Variants in HSPG2 observed in about 807,000 individuals in gnomAD.
HSPG2 encodes the protein basement membrane-specific heparan sulfate proteoglycan core protein.
In HSPG2, 278 loss-of-function variants were observed where a neutral mutation model predicts 526.6. That is an observed-to-expected ratio of 0.53 (90% confidence interval 0.48 to 0.58). The LOEUF (loss-of-function observed/expected upper bound fraction) is 0.58. HSPG2 is among the 20% of genes least tolerant of loss of function. The probability of loss-of-function intolerance (pLI) is 0.00; values close to 1 mark genes in which losing one functional copy is unlikely to be tolerated. For synonymous variants in HSPG2, 2,465 were observed against 2,555.4 expected (o/e 0.96, Z 1.07); for missense variants, 5,354 against 6,099.5 (o/e 0.88, Z 4.07).
intron 21 of HSPG2, among the ~76,000 whole-genome samples, chr1:21,877,913 T>C (rs1347872683): frequency 2.0e-5 from 3 of 152,238 alleles, no homozygotes; most frequent in Admixed American, 2.0e-4. Context: ...GGACAAAGTA[T>C]GGCAAAAGCA....
At chr1:21,856,525 C>G (rs1015575772) in intron 44 of HSPG2, among the ~76,000 whole-genome samples, 1 of 144,696 alleles carries the variant, frequency 6.9e-6, no homozygotes, top group Non-Finnish European at 1.5e-5. Flanking sequence ...TCAAGCGATT[C>G]TCCTGCCTCA....
intron 1 of HSPG2, chr1:21,908,067 C>T (rs1249244035): frequency 8.0e-6 from 6 of 752,348 alleles, no homozygotes; most frequent in Middle Eastern, 2.4e-4. Flanking sequence ...GCCTTTCGGC[C>T]GGAACCGCCA....
At chr1:21,838,608 G>A (rs2098036272) in intron 74 of HSPG2, among the ~76,000 whole-genome samples, 1 of 152,248 alleles carries the variant, frequency 6.6e-6, no homozygotes, top group African/African-American at 2.4e-5. Flanking sequence ...TGTGCCAAAG[G>A]TGGGGAGCAG....
Position 21,832,529 on chromosome 1 carries a change from A to T in HSPG2, c.11173T>A (p.Ser3725Thr). ...GGCCTTCCCCCCACGAGGCCGAAGG[A>T]GATGAAGTCGGGCTGCCGGTTGGCC... ...NLANRQPDFI[S>T]FGLVGGRPEF... The change falls in exon 81 of 97, where the codon TCC becomes ACC. Residue 3725 changes from serine to threonine, a missense_variant. Ser to Thr is a moderately conservative substitution (Grantham distance 58, BLOSUM62 1). Coordinates refer to ENST00000374695, the MANE Select transcript of HSPG2 (RefSeq NM_005529.7). The T allele has an allele frequency of 6.2e-7, 1 of 1,614,164 alleles. No homozygotes were observed. The highest frequency in any genetic ancestry group is 8.5e-7 in the Non-Finnish European group (1 of 1,180,012).
At chr1:21,922,852 C>T (rs967712723) in intron 1 of HSPG2, among the ~76,000 whole-genome samples, 4 of 152,158 alleles carry the variant, frequency 2.6e-5, no homozygotes, top group Non-Finnish European at 5.9e-5. Flanking sequence ...CCAGTACCCC[C>T]TCCTCGACCC....
rs376190109 is a variant in HSPG2, at chr1:21,828,851, C to T, written c.12221G>A (p.Arg4074His). 1.2e-4 allele frequency: 184 copies of T among 1,551,046 alleles called. 1 individual carries two copies. In the East Asian group the frequency reaches 3.5e-3, roughly 30 times the overall value. The stretch of plus-strand genomic sequence containing the variant: ...TGCTCTTACCTCGCCCACACAGCCG[C>T]GGAAGTGAGCGCTCATGTTGGTGGC... ...SPATNMSAHFRGCVGEVSVNG... is the reference protein window; with the variant it reads ...SPATNMSAHFHGCVGEVSVNG... The change falls in exon 88 of 97, where the codon CGC becomes CAC. Residue 4074 changes from arginine to histidine, a missense_variant. Arg to His is a conservative substitution (Grantham distance 29). Coordinates refer to ENST00000374695, the MANE Select transcript of HSPG2 (RefSeq NM_005529.7). The surrounding 1 kb of genome is among the most constrained non-coding windows in gnomAD (Gnocchi z 6.0).
chr1:21,849,918 T>G (rs1638753029), intron 57 of HSPG2, 123 bp downstream of exon 57: 1 of 1,199,378 alleles, frequency 8.3e-7, no homozygotes, highest in African/African-American at 1.5e-5. Context: ...GACCTCGTGA[T>G]CTTCCTGCCT....
rs1378110815 is a variant in HSPG2, at chr1:21,872,126, G to A, written c.4221+60C>T. 2.1e-5 allele frequency: 32 copies of A among 1,529,592 alleles called. No individual in the cohort carries two copies. Among genetic ancestry groups the A allele is most frequent in the East Asian group, 2.5e-5 (1 of 40,786 alleles). The allele number at this position is 1,529,592 out of a possible 1,614,324, so 94.8% of individuals were successfully genotyped here. On this transcript the variant is annotated intron_variant, in intron 33 of 96. Coordinates refer to ENST00000374695, the MANE Select transcript of HSPG2 (RefSeq NM_005529.7). The surrounding 1 kb of genome is among the most constrained non-coding windows in gnomAD (Gnocchi z 5.5). ...GGCAGGTGCCTGCCTGCTGAGAGAC[G>A]GCGCAGAGGTGAACTCATGTCTGAG...
At chr1:21,840,972 C>A in intron 71 of HSPG2, 129 bp downstream of exon 71, 1 of 794,606 alleles carries the variant, frequency 1.3e-6, no homozygotes, top group South Asian at 1.5e-5. Context: ...CCCATCCCAT[C>A]CCATTCCTCC....
chr1:21,841,519 C>T lies in HSPG2; in HGVS notation c.9328+20G>A. 6.2e-7 allele frequency: 1 copy of T among 1,614,200 alleles called. No homozygotes were observed. The highest frequency in any genetic ancestry group is 8.5e-7 in the Non-Finnish European group (1 of 1,180,012). On this transcript the variant is annotated intron_variant, in intron 70 of 96. Coordinates refer to ENST00000374695, the MANE Select transcript of HSPG2 (RefSeq NM_005529.7). Reference sequence around the variant, plus strand: ...GGGCTGGAAACAGGGCAGAGCCCCACAGGGTCAACGTCCCCTCACCGTGCA... The same window carrying T: ...GGGCTGGAAACAGGGCAGAGCCCCATAGGGTCAACGTCCCCTCACCGTGCA...
Position 21,859,699 on chromosome 1 carries a change from T to A in HSPG2, c.5183-23A>T. On this transcript the variant is annotated intron_variant, in intron 41 of 96. Transcript: ENST00000374695. This position sits in a 1 kb window ranked among gnomAD's most constrained non-coding sequence, Gnocchi z 5.3. ...AGCCTGGTGGGGAGGAGACAAGAGC[T>A]TGTTGGTGCAGATACACTCTTTCTC... 1 of 1,594,992 alleles carries A rather than the reference T, an allele frequency of 6.3e-7. No homozygotes were observed. The highest frequency in any genetic ancestry group is 8.5e-7 in the Non-Finnish European group (1 of 1,170,078).
At position 21,887,058 on chromosome 1, in the gene HSPG2, C is replaced by T. The variant is rs374739248; in HGVS notation, c.1078+157G>A. ...CTTGGGGTGTGTCTCCAGGGCCTTC[C>T]GCACTCAGCCAGGGAGAGCAAACAA... is the stretch of plus-strand genomic sequence containing the variant. On this transcript the variant is annotated intron_variant, in intron 9 of 96. Transcript: ENST00000374695. The surrounding 1 kb of genome is among the most constrained non-coding windows in gnomAD (Gnocchi z 5.0). Among the ~76,000 whole-genome samples the T allele has an allele frequency of 4.8e-5, 7 of 146,564 alleles. No homozygotes were observed. Among genetic ancestry groups the T allele is most frequent in the African/African-American group, 1.5e-4 (6 of 39,974 alleles).
chr1:21,872,176 T>C lies in HSPG2; in HGVS notation c.4221+10A>G. The stretch of plus-strand genomic sequence containing the variant: ...GTCACGGCTGACCCTGGTGCTTGGC[T>C]GGGGCCCACCTTGTCTCCCTGGTAT... On this transcript the variant is annotated intron_variant, in intron 33 of 96. Transcript: ENST00000374695. This position sits in a 1 kb window ranked among gnomAD's most constrained non-coding sequence, Gnocchi z 5.5. 6.4e-7 allele frequency: 1 copy of C among 1,551,576 alleles called. No individual in the cohort carries two copies. The highest frequency in any genetic ancestry group is 1.2e-5 in the South Asian group (1 of 84,056).
intron 1 of HSPG2, among the ~76,000 whole-genome samples, chr1:21,914,947 C>T (rs1307087897): frequency 6.6e-6 from 1 of 152,218 alleles, no homozygotes; most frequent in Non-Finnish European, 1.5e-5. Flanking sequence ...CACCCAGAGC[C>T]CAGCCACAGC....
In HSPG2 at chr1:21,887,886, C is replaced by T; in HGVS notation, c.703+52G>A. Reference sequence around the variant, plus strand: ...GGGCTCCAAGACCCAGGTGTAGGACCCTGGCCCTCCCCTGGCACCCAAACC... The same window carrying T: ...GGGCTCCAAGACCCAGGTGTAGGACTCTGGCCCTCCCCTGGCACCCAAACC... On this transcript the variant is annotated intron_variant, in intron 7 of 96. Transcript: ENST00000374695. This position sits in a 1 kb window ranked among gnomAD's most constrained non-coding sequence, Gnocchi z 5.0. 6.2e-7 allele frequency: 1 copy of T among 1,612,734 alleles called. No homozygotes were observed. Among genetic ancestry groups the T allele is most frequent in the Middle Eastern group, 1.6e-4 (1 of 6,062 alleles).
Position 21,875,018 on chromosome 1 carries a change from C to T in HSPG2, c.3303-16G>A, listed in dbSNP as rs1438644115. 1.9e-6 allele frequency: 3 copies of T among 1,565,240 alleles called. No individual in the cohort carries two copies. On this transcript the variant is annotated splice_polypyrimidine_tract_variant and intron_variant, in intron 25 of 96. Coordinates refer to ENST00000374695, the MANE Select transcript of HSPG2 (RefSeq NM_005529.7). ...GCCAGAGACCCTGGGCGTGACAAGA[C>T]CCAGCGTGAATAGGAGTGCTGGCTC... is the stretch of plus-strand genomic sequence containing the variant.
chr1:21,855,836 C>G lies in HSPG2; in HGVS notation c.5652G>C (p.Glu1884Asp), dbSNP rs1315551702. Residue 1884 changes from glutamate to aspartate, a missense_variant, in exon 45 of 97, where the codon GAG becomes GAC. Coordinates refer to ENST00000374695, the MANE Select transcript of HSPG2 (RefSeq NM_005529.7). ...GGCTCCCTGTGGCGCTGCAGCGGAA[C>G]TCCGCCAGTTGCCCGGGCTGCACTG... ...QLTVQPGQLA[E>D]FRCSATGSPT... 2 of 1,613,130 alleles carry G rather than the reference C, an allele frequency of 1.2e-6. No individual in the cohort carries two copies. The highest frequency in any genetic ancestry group is 2.2e-5 in the East Asian group (1 of 44,886).
At chr1:21,920,475 A>G (rs973960665) in intron 1 of HSPG2, among the ~76,000 whole-genome samples, 1 of 152,170 alleles carries the variant, frequency 6.6e-6, no homozygotes, top group African/African-American at 2.4e-5. Context: ...AGGCTCCCTA[A>G]AAAGAGGCGC....
intron 1 of HSPG2, among the ~76,000 whole-genome samples, chr1:21,901,713 T>C (rs1643112475): frequency 6.6e-6 from 1 of 152,066 alleles, no homozygotes; most frequent in Non-Finnish European, 1.5e-5. Context: ...CGGCTGCAGC[T>C]GCCCAGGGCC....
Sources: gnomAD v4.1 joint callset for allele counts (sites outside exome capture counted in the v4.1 genomes callset) on GRCh38, gnomAD v4.1.1 for gene constraint, Gnocchi (gnomAD v3.1) non-coding constraint, MANE v1.5 for transcripts, NCBI Gene and HGNC (gene_info 2026-07-23, HGNC 2026-07-21) for gene names.